TEX2: variants seen among roughly 807,000 people sequenced by gnomAD.
TEX2 encodes testis-expressed protein 2.
In TEX2, 53 loss-of-function variants were observed where a neutral mutation model predicts 106.9. The observed-to-expected ratio is 0.50, with a 90% CI of 0.40 to 0.62. The LOEUF (loss-of-function observed/expected upper bound fraction) is 0.62. TEX2 is among the 20% of genes least tolerant of loss of function. The pLI is 0.00. For missense variants in TEX2, 1,207 were observed against 1,379.0 expected, an observed-to-expected ratio of 0.88 and a Z score of 1.98; for synonymous variants, 523 against 534.8, an observed-to-expected ratio of 0.98 and a Z score of 0.30.
chr17:64,207,968 T>A (rs1239832989), intron 2 of TEX2, among the ~76,000 whole-genome samples: 1 of 152,072 alleles, frequency 6.6e-6, no homozygotes, highest in Non-Finnish European at 1.5e-5. Context: ...TCTCCTGACC[T>A]CGTGATCCAC....
intron 8 of TEX2, among the ~76,000 whole-genome samples, chr17:64,156,934 C>T (rs1431120466): frequency 6.6e-6 from 1 of 152,230 alleles, no homozygotes; most frequent in East Asian, 1.9e-4. Flanking sequence ...TCTCAGGTTA[C>T]TGAGTTAATC....
rs113777230 is a variant in TEX2, at chr17:64,237,813, T to C, written c.-25-23571A>G. 3.9e-3 allele frequency among the ~76,000 whole-genome samples: 596 copies of C among 152,230 alleles called. 4 individuals are homozygous for C. The highest frequency in any genetic ancestry group is 0.014 in the African/African-American group (579 of 41,556). On this transcript the variant is annotated intron_variant, in intron 1 of 11. Coordinates refer to ENST00000584379, the MANE Select transcript of TEX2 (RefSeq NM_001288732.2). ...TCTGAGATACTTGGTGACCTCCCAG[T>C]GTGAGTATCAGAAAGGTGTTTAAAG...
intron 1 of TEX2, among the ~76,000 whole-genome samples, chr17:64,253,327 T>G (rs1423175406): frequency 1.7e-5 from 1 of 60,490 alleles, no homozygotes; most frequent in Admixed American, 2.5e-4. Context: ...CCTTCTTTCT[T>G]TCTTTCTTTT....
intron 1 of TEX2, among the ~76,000 whole-genome samples, chr17:64,216,836 C>A (rs988318766): frequency 2.6e-5 from 4 of 152,080 alleles, no homozygotes; most frequent in Non-Finnish European, 4.4e-5. Context: ...TCAGACTGGG[C>A]GGACAGAGCT....
intron 2 of TEX2, among the ~76,000 whole-genome samples, chr17:64,200,780 C>G (rs782104093): frequency 3.3e-5 from 5 of 152,200 alleles, no homozygotes; most frequent in Non-Finnish European, 7.3e-5. Context: ...TGCTTTCCTT[C>G]TCTTGCGAAA....
At chr17:64,239,423 C>T (rs1408233278) in intron 1 of TEX2, among the ~76,000 whole-genome samples, 8 of 152,072 alleles carry the variant, frequency 5.3e-5, no homozygotes, top group South Asian at 2.1e-4. Context: ...TATAACTGTT[C>T]GCAGAATTTA....
At chr17:64,234,805 G>C (rs184461770) in intron 1 of TEX2, among the ~76,000 whole-genome samples, 61 of 152,204 alleles carry the variant, frequency 4.0e-4, no homozygotes, top group Admixed American at 1.0e-3. Context: ...ATTACCACTT[G>C]TTCTCAAAAT....
intron 1 of TEX2, among the ~76,000 whole-genome samples, chr17:64,251,823 G>A (rs1417503304): frequency 1.3e-5 from 2 of 152,152 alleles, no homozygotes; most frequent in South Asian, 2.1e-4. Context: ...TTACTGCCTA[G>A]AGCCCTCTTT....
rs782264894 is a variant in TEX2 at position 64,214,077 on chromosome 17, T to TTCC, written c.138_140dup (p.Glu51dup). The TTCC allele has an allele frequency of 3.1e-6, 5 of 1,613,938 alleles. No individual in the cohort carries two copies. In the Admixed American group the frequency reaches 6.7e-5, roughly 22 times the overall value. ...AGTACTCCCTGAACTCCTCCTCCTCTTCCTCCTCCTCCTCGCCGGATGCCG... is the reference window on the plus strand; with the variant it reads ...AGTACTCCCTGAACTCCTCCTCCTCTTCCTCCTCCTCCTCCTCGCCGGATGCCG... On this transcript the variant is annotated inframe_insertion, in exon 2 of 12. Coordinates refer to ENST00000584379, the MANE Select transcript of TEX2 (RefSeq NM_001288732.2).
rs60956243 is a variant in TEX2, at chr17:64,206,550, C to CT, written c.1644+6023dup. Among the ~76,000 whole-genome samples the CT allele has an allele frequency of 6.3e-3, 486 of 77,188 alleles. 20 individuals carry two copies. The highest frequency in any genetic ancestry group is 7.5e-3 in the Non-Finnish European group (323 of 42,938). The allele number at this position is 77,188 out of a possible 152,430, so 50.6% of individuals were successfully genotyped here. A position where few individuals can be genotyped will look rare whatever the true frequency, so the allele number is the denominator to read the frequency against. On this transcript the variant is annotated intron_variant, in intron 2 of 11. Coordinates refer to ENST00000584379, the MANE Select transcript of TEX2 (RefSeq NM_001288732.2). ...GCTCTTTGGCCACATAGAGGTCTTA[C>CT]TTTTTTTTTTTTTTTTTTTTTTTTT...
At chr17:64,165,514 C>T (rs189765134) in intron 7 of TEX2, among the ~76,000 whole-genome samples, 5 of 152,360 alleles carry the variant, frequency 3.3e-5, no homozygotes, top group East Asian at 1.9e-4. Context: ...ATCAGCCCCA[C>T]GTGCTAGAGT....
chr17:64,235,209 C>T (rs1355640301), intron 1 of TEX2, among the ~76,000 whole-genome samples: 2 of 152,172 alleles, frequency 1.3e-5, no homozygotes, highest in Non-Finnish European at 2.9e-5. Flanking sequence ...ACATTTAATA[C>T]ACGAGGAAAA....
chr17:64,156,462 C>T (rs2030634070), intron 8 of TEX2, among the ~76,000 whole-genome samples: 1 of 152,254 alleles, frequency 6.6e-6, no homozygotes, highest in Non-Finnish European at 1.5e-5. Flanking sequence ...CTTCCTCCTT[C>T]CACCAGAGGC....
rs1488354919 is a variant in TEX2, at chr17:64,212,962, C to A, written c.1256G>T (p.Cys419Phe). The A allele has an allele frequency of 6.2e-7, 1 of 1,614,216 alleles. No individual in the cohort carries two copies. Among genetic ancestry groups the A allele is most frequent in the Admixed American group, 1.7e-5 (1 of 60,020 alleles). Reference sequence around the variant, plus strand: ...ATCGAAGTCCTCAGTGTACAGTTCACAAAACTCTTCATCTTCTTTGCTCAC... The same window carrying A: ...ATCGAAGTCCTCAGTGTACAGTTCAAAAAACTCTTCATCTTCTTTGCTCAC... Reference protein sequence around the residue: ...ALVSKEDEEFCELYTEDFDLE... With the variant: ...ALVSKEDEEFFELYTEDFDLE... The change falls in exon 2 of 12, where the codon TGT becomes TTT. Residue 419 changes from cysteine to phenylalanine, a missense_variant. Coordinates refer to ENST00000584379, the MANE Select transcript of TEX2 (RefSeq NM_001288732.2).
At position 64,153,033 on chromosome 17, in the gene TEX2, T is replaced by C; in HGVS notation, c.3052A>G (p.Asn1018Asp). ...TCAACAGTGAGCAGCAGGGGTGTGT[T>C]GGAGACTTCTTCGATCTTCTTTTTA... ...FIKKKIEEVS[N>D]TPLLLTVEVQ... The change falls in exon 10 of 12, where the codon AAC (asparagine) becomes GAC (aspartate). Residue 1018 changes from asparagine (N) to aspartate (D), a missense_variant. This residue lies in a region of TEX2 where 63 missense variants were observed against 112.2 expected (regional missense o/e 0.56). Coordinates refer to ENST00000584379, the MANE Select transcript of TEX2 (RefSeq NM_001288732.2). The surrounding 1 kb of genome is among the most constrained non-coding windows in gnomAD (Gnocchi z 4.1). 6.2e-7 allele frequency: 1 copy of C among 1,614,230 alleles called. No homozygotes were observed. Among genetic ancestry groups the C allele is most frequent in the South Asian group, 1.1e-5 (1 of 91,090 alleles).
chr17:64,221,317 C>T (rs868918021), intron 1 of TEX2, among the ~76,000 whole-genome samples: 1 of 152,094 alleles, frequency 6.6e-6, no homozygotes. Flanking sequence ...CCTATGTTAA[C>T]AAACCTGCAA....
At position 64,213,088 on chromosome 17, in the gene TEX2, G is replaced by C; in HGVS notation, c.1130C>G (p.Thr377Arg). 2 of 1,614,166 alleles carry C rather than the reference G, an allele frequency of 1.2e-6. No individual in the cohort carries two copies. Among genetic ancestry groups the C allele is most frequent in the Non-Finnish European group, 8.5e-7 (1 of 1,180,046 alleles). Residue 377 changes from threonine to arginine, a missense_variant, in exon 2 of 12, where the codon ACA (threonine) becomes AGA (arginine). By Grantham distance (71) the Thr-to-Arg change is moderately conservative. Around this residue, in one of 3 missense-constraint regions of TEX2, gnomAD observed 1,067 missense variants for 1,193.6 expected, o/e 0.89. Coordinates refer to ENST00000584379, the MANE Select transcript of TEX2 (RefSeq NM_001288732.2). This position sits in a 1 kb window ranked among gnomAD's most constrained non-coding sequence, Gnocchi z 4.4. ...GGAACTTTTCAGTTCTATCTCTCTTGTGGGCTCACCAGTGGACTTTGGGTG... is the reference window on the plus strand; with the variant it reads ...GGAACTTTTCAGTTCTATCTCTCTTCTGGGCTCACCAGTGGACTTTGGGTG... ...SDHPKSTGEP[T>R]REIELKSSQG...
intron 1 of TEX2, among the ~76,000 whole-genome samples, chr17:64,233,770 A>T (rs1555634831): frequency 6.6e-6 from 1 of 152,202 alleles, no homozygotes. Flanking sequence ...TACATCAAAG[A>T]AGGGCAAGTC....
chr17:64,196,713 T>C (rs1348184086), intron 2 of TEX2, among the ~76,000 whole-genome samples: 2 of 152,210 alleles, frequency 1.3e-5, no homozygotes, highest in African/African-American at 4.8e-5. Context: ...CTAAGTACTT[T>C]CTTTGGCTCA....
Sources: allele counts gnomAD v4.1 joint callset (sites outside exome capture counted in the v4.1 genomes callset), GRCh38; gene constraint gnomAD v4.1.1; regional missense constraint gnomAD v4.1.1; non-coding constraint Gnocchi (gnomAD v3.1); transcripts MANE v1.5; gene names NCBI Gene and HGNC (gene_info 2026-07-23, HGNC 2026-07-21).